The following CYP4X1 variants were observed in gnomAD, a reference collection of about 807,000 sequenced individuals.
The protein encoded by CYP4X1 is cytochrome P450 family 4 subfamily X member 1, also known as cytochrome P450 4X1.
A neutral mutation model predicts 57.9 loss-of-function variants in CYP4X1; 44 were observed. The ratio of observed to expected loss-of-function variants is 0.76; its 90% CI spans 0.60 to 0.98. The LOEUF is 0.98. CYP4X1 is among the 50% of genes least tolerant of loss of function. CYP4X1 has a pLI of 0.00. For missense variants in CYP4X1, 532 were observed against 623.9 expected (o/e 0.85, Z 1.57); for synonymous variants, 227 against 228.6 (o/e 0.99, Z 0.06).
At chr1:47,049,933 G>T in intron 11 of CYP4X1, 67 bp from the exon 12 acceptor site, 1 of 1,479,814 alleles carries the variant, frequency 6.8e-7, no homozygotes, top group Non-Finnish European at 9.3e-7. Flanking sequence ...TATTGTACTA[G>T]TATTTTACTA....
intron 2 of CYP4X1, 105 bp from the exon 3 acceptor site, chr1:47,031,331 A>T: frequency 7.4e-7 from 1 of 1,353,760 alleles, no homozygotes; most frequent in African/African-American, 1.5e-5. Flanking sequence ...TCTTTTTCTC[A>T]CTTTTTGTGG....
chr1:46,967,850 A>AT, the CYP4X1 span: 2 of 1,211,208 alleles, frequency 1.7e-6, no homozygotes, highest in Non-Finnish European at 1.1e-6. Flanking sequence ...TTCATGGCAA[A>AT]TTTTTTCCCA....
At chr1:46,976,322 T>C in the CYP4X1 span, among the ~76,000 whole-genome samples, 1 of 152,162 alleles carries the variant, frequency 6.6e-6, no homozygotes, top group Admixed American at 6.5e-5. Flanking sequence ...GTGGGTCCCA[T>C]GCCCATGGAG....
At chr1:47,043,684 G>T (rs9700422) in intron 8 of CYP4X1, among the ~76,000 whole-genome samples, 11,725 of 152,170 alleles carry the variant, frequency 0.077, 554 homozygotes, top group East Asian at 0.22. Context: ...TGAGGATCCA[G>T]TTTCATGCTT....
chr1:47,012,430 G>GTA, the CYP4X1 span, among the ~76,000 whole-genome samples: 1 of 152,146 alleles, frequency 6.6e-6, no homozygotes, highest in Admixed American at 6.5e-5. Flanking sequence ...AGTGGGGAGG[G>GTA]ATAGTATTAG....
At chr1:47,015,023 C>G in the CYP4X1 span, among the ~76,000 whole-genome samples, 32 of 152,112 alleles carry the variant, frequency 2.1e-4, no homozygotes, top group African/African-American at 7.7e-4. Context: ...CTTCATTTCC[C>G]TATCTGTAAG....
chr1:46,971,945 C>T, the CYP4X1 span, among the ~76,000 whole-genome samples: 1 of 152,120 alleles, frequency 6.6e-6, no homozygotes, highest in Non-Finnish European at 1.5e-5. Flanking sequence ...TTAATTAGAT[C>T]CCATTTGTCA....
the CYP4X1 span, among the ~76,000 whole-genome samples, chr1:46,972,657 G>A: frequency 1.3e-5 from 2 of 152,036 alleles, no homozygotes. Context: ...TTACCTCCCT[G>A]ATTAGCTGTA....
At chr1:47,023,580 G>C (rs1220743942), upstream of CYP4X1, 60 of 1,301,642 alleles carry the variant, frequency 4.6e-5, no homozygotes, top group Non-Finnish European at 5.8e-5. Context: ...AAAGCAGTTG[G>C]GCCGAACGAA....
At chr1:46,982,492 G>A in the CYP4X1 span, among the ~76,000 whole-genome samples, 1 of 152,182 alleles carries the variant, frequency 6.6e-6, no homozygotes, top group Non-Finnish European at 1.5e-5. Context: ...CTCATCTTGT[G>A]TGGGCTGATG....
chr1:46,990,211 C>T, the CYP4X1 span, among the ~76,000 whole-genome samples: 1 of 151,546 alleles, frequency 6.6e-6, no homozygotes, highest in East Asian at 1.9e-4. Flanking sequence ...AAGAAAAAAA[C>T]AAACAACCCC....
intron 8 of CYP4X1, among the ~76,000 whole-genome samples, chr1:47,043,471 T>TTA (rs1382048321): frequency 3.9e-5 from 6 of 152,274 alleles, no homozygotes; most frequent in African/African-American, 1.4e-4. Flanking sequence ...AAGTCCCACC[T>TTA]ATTTATCTTT....
chr1:46,973,440 G>A, the CYP4X1 span, among the ~76,000 whole-genome samples: 49 of 152,090 alleles, frequency 3.2e-4, no homozygotes, highest in Non-Finnish European at 5.2e-4. Flanking sequence ...TGCTGGCCTC[G>A]TAGAATGAGT....
At chr1:47,047,080 G>A (rs536180881) in intron 9 of CYP4X1, among the ~76,000 whole-genome samples, 1 of 152,262 alleles carries the variant, frequency 6.6e-6, no homozygotes, top group African/African-American at 2.4e-5. Context: ...GGAATCCAAT[G>A]TTAACAGACG....
chr1:46,964,366 TG>T, the CYP4X1 span, among the ~76,000 whole-genome samples: 1 of 152,208 alleles, frequency 6.6e-6, no homozygotes, highest in African/African-American at 2.4e-5. Context: ...CCCTTCTTTG[TG>T]GTTTTATCTA....
At chr1:46,992,843 C>T in the CYP4X1 span, among the ~76,000 whole-genome samples, 1 of 152,178 alleles carries the variant, frequency 6.6e-6, no homozygotes, top group South Asian at 2.1e-4. Flanking sequence ...AATTGATATG[C>T]CAATTTATAT....
chr1:47,000,580 T>C, the CYP4X1 span, among the ~76,000 whole-genome samples: 1 of 152,076 alleles, frequency 6.6e-6, no homozygotes, highest in African/African-American at 2.4e-5. Flanking sequence ...GGTAGTTTAT[T>C]ATAGTGGCAA....
At chr1:46,964,427 G>T in the CYP4X1 span, among the ~76,000 whole-genome samples, 1 of 151,880 alleles carries the variant, frequency 6.6e-6, no homozygotes, top group South Asian at 2.1e-4. Context: ...TGGTGTGGAT[G>T]TCCTTTCTGT....
At chr1:47,041,686 A>G (rs1644248152) in intron 8 of CYP4X1, among the ~76,000 whole-genome samples, 1 of 152,068 alleles carries the variant, frequency 6.6e-6, no homozygotes. Flanking sequence ...TTAACCCCTT[A>G]TCAGATGTAT....
Sources: allele counts gnomAD v4.1 joint callset (sites outside exome capture counted in the v4.1 genomes callset), GRCh38; gene constraint gnomAD v4.1.1; transcripts MANE v1.5; gene names NCBI Gene and HGNC (gene_info 2026-07-23, HGNC 2026-07-21).